Variants in YIPF1 observed in about 807,000 individuals in gnomAD.
YIPF1 encodes Yip1 domain family member 1, also known as protein YIPF1.
In YIPF1, 22 loss-of-function variants were observed where a neutral mutation model predicts 37.0. That is an observed-to-expected ratio of 0.59 (90% CI 0.42 to 0.85). YIPF1 has a LOEUF of 0.85. Ranked by LOEUF, YIPF1 falls within the 40% of genes least tolerant of loss-of-function variation. The probability of loss-of-function intolerance (pLI) is 0.00; values close to 1 mark genes in which losing one functional copy is unlikely to be tolerated. For missense variants in YIPF1, 355 were observed against 373.1 expected (o/e 0.95, Z 0.40); for synonymous variants, 128 against 131.9 (o/e 0.97, Z 0.21).
At chr1:53,883,298 G>A (rs548170359) in intron 3 of YIPF1, 22 bp from the exon 4 acceptor site, 62 of 1,520,136 alleles carry the variant, frequency 4.1e-5, no homozygotes, top group South Asian at 3.6e-4. Context: ...TAGAGCACAC[G>A]GGCCTCAGAA....
In YIPF1 at chr1:53,883,191, A is replaced by G; in HGVS notation, c.117T>C (p.His39=). ...CTGAGCCTCTTGGGGATCCTGGCTG[A>G]TGTTTTGGGGTTTCACCAGGATCCT... ...NIEDPGETPK[H]QPGSPRGSGR... is the part of the protein sequence containing the mutation. The change falls in exon 4 of 11, where the codon CAT becomes CAC. Residue 39 remains histidine, a synonymous_variant. Transcript: ENST00000072644. 6.2e-7 allele frequency: 1 copy of G among 1,602,130 alleles called. No individual in the cohort carries two copies. The highest frequency in any genetic ancestry group is 8.5e-7 in the Non-Finnish European group (1 of 1,175,054).
At chr1:53,876,633 G>A (rs1339564938) in intron 6 of YIPF1, among the ~76,000 whole-genome samples, 1 of 152,220 alleles carries the variant, frequency 6.6e-6, no homozygotes, top group Admixed American at 6.5e-5. Context: ...ATGAGCTACA[G>A]TGTTGATTTG....
chr1:53,877,758 A>G (rs1650369694), intron 6 of YIPF1, among the ~76,000 whole-genome samples: 1 of 152,260 alleles, frequency 6.6e-6, no homozygotes, highest in Non-Finnish European at 1.5e-5. Flanking sequence ...CACCTAGTCA[A>G]AGTGACTAAA....
At chr1:53,870,832 G>A (rs116561561) in intron 7 of YIPF1, among the ~76,000 whole-genome samples, 4,970 of 151,710 alleles carry the variant, frequency 0.033, 110 homozygotes, top group Admixed American at 0.043. Context: ...GGCAACACAG[G>A]GAGACCTATC....
chr1:53,869,160 TCACACACA>T (rs55922911), intron 7 of YIPF1, among the ~76,000 whole-genome samples: 5 of 137,980 alleles, frequency 3.6e-5, no homozygotes, highest in Admixed American at 2.9e-4. Context: ...TCTCTCTCTC[TCACACACA>T]CACACACACA....
intron 7 of YIPF1, among the ~76,000 whole-genome samples, chr1:53,870,524 A>G (rs1029869699): frequency 1.3e-5 from 2 of 152,112 alleles, no homozygotes; most frequent in Admixed American, 6.5e-5. Context: ...CCAGTTTGGA[A>G]TAAGTTATGA....
At chr1:53,862,602 T>C (rs1453428445) in intron 9 of YIPF1, among the ~76,000 whole-genome samples, 1 of 152,140 alleles carries the variant, frequency 6.6e-6, no homozygotes, top group African/African-American at 2.4e-5. Context: ...GTGGGGCTGT[T>C]ATATGCTTCA....
At chr1:53,854,085 A>T (rs1649661507) in intron 10 of YIPF1, among the ~76,000 whole-genome samples, 1 of 152,056 alleles carries the variant, frequency 6.6e-6, no homozygotes, top group Admixed American at 6.6e-5. Flanking sequence ...CCCCATCTCT[A>T]CCAAAAATAC....
intron 9 of YIPF1, among the ~76,000 whole-genome samples, chr1:53,863,974 T>C (rs1649952731): frequency 6.6e-6 from 1 of 152,084 alleles, no homozygotes. Flanking sequence ...ACTCCTGAGT[T>C]CAAGCCATCT....
intron 4 of YIPF1, among the ~76,000 whole-genome samples, chr1:53,882,067 G>A (rs1388687212): frequency 1.3e-5 from 2 of 152,168 alleles, no homozygotes; most frequent in African/African-American, 4.8e-5. Flanking sequence ...GCAGGGACAT[G>A]GATGGAGTTG....
intron 10 of YIPF1, among the ~76,000 whole-genome samples, chr1:53,854,507 T>A (rs1456032842): frequency 6.6e-6 from 1 of 152,178 alleles, no homozygotes; most frequent in Non-Finnish European, 1.5e-5. Context: ...GGCTGCACTA[T>A]CGCATGGGCA....
chr1:53,860,093 G>C lies in YIPF1; in HGVS notation c.892C>G (p.Gln298Glu), dbSNP rs778189609. 1 of 1,614,108 alleles carries C rather than the reference G, an allele frequency of 6.2e-7. No homozygotes were observed. The highest frequency in any genetic ancestry group is 1.3e-5 in the African/African-American group (1 of 75,036). Residue 298 changes from glutamine to glutamate, a missense_variant, in exon 10 of 11, where the codon CAA becomes GAA. By Grantham distance (29) the Gln-to-Glu change is conservative (BLOSUM62 2). Transcript: ENST00000072644. ...CTGGACTTGGCTGCAGCAACTGTTT[G>C]GTTTGGAGTAGCTGTAGTTGTTGGG... ...HLPTTTATPN[Q>E]TVAAAKSS is the part of the protein sequence containing the mutation.
intron 5 of YIPF1, 23 bp from the exon 6 acceptor site, chr1:53,878,425 T>G (rs1243747892): frequency 6.2e-7 from 1 of 1,609,430 alleles, no homozygotes; most frequent in Admixed American, 1.7e-5. Context: ...ATAGCAGTAA[T>G]TCTACTGAAG....
At chr1:53,883,388 T>C (rs373852155) in intron 3 of YIPF1, 112 bp from the exon 4 acceptor site, 2 of 1,201,370 alleles carry the variant, frequency 1.7e-6, no homozygotes, top group East Asian at 6.2e-5. Context: ...AGACCCTACC[T>C]GATACAAAGG....
intron 10 of YIPF1, among the ~76,000 whole-genome samples, chr1:53,858,515 A>G (rs1319454182): frequency 6.6e-6 from 1 of 152,170 alleles, no homozygotes; most frequent in Non-Finnish European, 1.5e-5. Flanking sequence ...ATAATCTCCA[A>G]CCTTCACTAC....
At chr1:53,887,251 T>A (rs1398060560) in intron 3 of YIPF1, among the ~76,000 whole-genome samples, 1 of 151,882 alleles carries the variant, frequency 6.6e-6, no homozygotes. Flanking sequence ...AGCTAATTTT[T>A]GTATTTTTAG....
At chr1:53,883,089 A>C (rs1308059901) in intron 4 of YIPF1, 24 bp downstream of exon 4, 2 of 1,544,950 alleles carry the variant, frequency 1.3e-6, no homozygotes, top group African/African-American at 2.8e-5. Flanking sequence ...TTGTTTAAAA[A>C]ATATCTCAAA....
At chr1:53,870,626 G>A (rs1650163525) in intron 7 of YIPF1, among the ~76,000 whole-genome samples, 1 of 152,062 alleles carries the variant, frequency 6.6e-6, no homozygotes, top group South Asian at 2.1e-4. Flanking sequence ...TGTTTCTATT[G>A]TCTCCAAAAT....
chr1:53,885,575 C>T (rs371621755), intron 3 of YIPF1, among the ~76,000 whole-genome samples: 2 of 152,034 alleles, frequency 1.3e-5, no homozygotes, highest in East Asian at 1.9e-4. Flanking sequence ...AATCCCAGCA[C>T]TTTGGGAGGC....
Sources: gnomAD v4.1 joint callset for allele counts (sites outside exome capture counted in the v4.1 genomes callset) on GRCh38, gnomAD v4.1.1 for gene constraint, MANE v1.5 for transcripts, NCBI Gene and HGNC (gene_info 2026-07-23, HGNC 2026-07-21) for gene names.